Variants in ARAP2 observed in about 807,000 individuals in gnomAD.
ARAP2 encodes the protein ArfGAP with RhoGAP domain, ankyrin repeat and PH domain 2.
A neutral mutation model predicts 194.5 loss-of-function variants in ARAP2; 148 were observed. That is an observed-to-expected ratio of 0.76 (90% CI 0.67 to 0.87). The LOEUF (loss-of-function observed/expected upper bound fraction) is 0.87. Among genes scored for constraint, ARAP2 ranks in the 40% least tolerant of loss-of-function variants. ARAP2 has a pLI of 0.00. For synonymous variants in ARAP2, 695 were observed against 683.5 expected (o/e 1.02, Z -0.26); for missense variants, 2,128 against 1,989.7 (o/e 1.07, Z -1.32).
chr4:36,155,014 T>A (rs1204060321), intron 15 of ARAP2, among the ~76,000 whole-genome samples: 13 of 152,248 alleles, frequency 8.5e-5, no homozygotes. Flanking sequence ...AAATAGGGGC[T>A]TTCTGCACAA....
In ARAP2 at chr4:36,066,482, T is replaced by C. The variant is rs896738747; in HGVS notation, c.*1425A>G. 6.6e-6 allele frequency: 1 copy of C among 151,982 alleles called. No homozygotes were observed. Among genetic ancestry groups the C allele is most frequent in the Non-Finnish European group, 1.5e-5 (1 of 67,996 alleles). 9.4% of individuals were successfully genotyped at this position (151,982 alleles called of 1,614,324 possible). ...CCGTATTTTACAATGAAGAAATTCA[T>C]AGCATCTACCACCACATCACTGTAC... On this transcript the variant is annotated 3_prime_UTR_variant, in exon 33 of 33. Transcript: ENST00000303965.
chr4:36,230,705 C>T (rs1289177278), intron 1 of ARAP2, among the ~76,000 whole-genome samples: 2 of 152,158 alleles, frequency 1.3e-5, no homozygotes, highest in Non-Finnish European at 2.9e-5. Flanking sequence ...GCATGACACA[C>T]ATACACTGAA....
chr4:36,089,458 C>T (rs958579712), intron 28 of ARAP2, among the ~76,000 whole-genome samples: 2 of 152,050 alleles, frequency 1.3e-5, no homozygotes, highest in Admixed American at 1.3e-4. Context: ...TTGAGTAGAG[C>T]CACTGGATCA....
intron 11 of ARAP2, among the ~76,000 whole-genome samples, 165 bp from the exon 12 acceptor site, chr4:36,161,715 A>G (rs1734006747): frequency 6.6e-6 from 1 of 151,606 alleles, no homozygotes. Context: ...AAGAGCACTA[A>G]CAGTAGTGGT....
intron 27 of ARAP2, among the ~76,000 whole-genome samples, chr4:36,098,899 C>T (rs1479459439): frequency 6.6e-6 from 1 of 151,946 alleles, no homozygotes; most frequent in Non-Finnish European, 1.5e-5. Context: ...TATTTATCAA[C>T]ATTTAAGTTC....
At chr4:36,211,466 A>G (rs927267599) in intron 5 of ARAP2, among the ~76,000 whole-genome samples, 3 of 152,174 alleles carry the variant, frequency 2.0e-5, no homozygotes, top group Admixed American at 1.3e-4. Context: ...TTGCTAATCA[A>G]TGAAACAGAT....
intron 7 of ARAP2, 70 bp from the exon 8 acceptor site, chr4:36,187,641 G>A: frequency 3.0e-6 from 4 of 1,351,534 alleles, no homozygotes; most frequent in Non-Finnish European, 4.0e-6. Context: ...AAAAAGAATG[G>A]CACAGTATTT....
intron 28 of ARAP2, among the ~76,000 whole-genome samples, chr4:36,084,350 T>G (rs926089513): frequency 6.6e-6 from 1 of 152,100 alleles, no homozygotes; most frequent in Admixed American, 6.6e-5. Flanking sequence ...CCATCACCAA[T>G]GTTGACTGGG....
intron 19 of ARAP2, among the ~76,000 whole-genome samples, chr4:36,141,671 CA>C (rs1244683441): frequency 6.6e-6 from 1 of 151,526 alleles, no homozygotes; most frequent in Non-Finnish European, 1.5e-5. Flanking sequence ...TAGATAAGAA[CA>C]GGAAAAATAT....
At chr4:36,090,619 A>G (rs1713339231) in intron 28 of ARAP2, among the ~76,000 whole-genome samples, 1 of 152,186 alleles carries the variant, frequency 6.6e-6, no homozygotes, top group Admixed American at 6.6e-5. Flanking sequence ...AAGAACATGG[A>G]TAGAACTGGA....
At chr4:36,111,407 A>G (rs1719953128) in intron 26 of ARAP2, among the ~76,000 whole-genome samples, 1 of 151,890 alleles carries the variant, frequency 6.6e-6, no homozygotes, top group South Asian at 2.1e-4. Flanking sequence ...TCCTACCATT[A>G]TTCCTCTGGG....
At chr4:36,238,936 A>AAAAAAC (rs1005912104) in intron 1 of ARAP2, among the ~76,000 whole-genome samples, 18 of 53,946 alleles carry the variant, frequency 3.3e-4, no homozygotes, top group Non-Finnish European at 6.3e-4. Context: ...TGGTTATGGT[A>AAAAAAC]AAAAACAAAA....
rs73806460 is a variant in ARAP2 at position 36,109,923 on chromosome 4, C to A, written c.4157-2230G>T. Among the ~76,000 whole-genome samples, 773 of 145,752 alleles carry A rather than the reference C, an allele frequency of 5.3e-3. 8 individuals carry two copies. Among genetic ancestry groups the A allele is most frequent in the African/African-American group, 0.018 (728 of 39,414 alleles). ...TACTATTGATCCCAATAACGGTTGC[C>A]ATTTATGGAATAACAATTATGTATC... On this transcript the variant is annotated intron_variant, in intron 26 of 32. Transcript: ENST00000303965.
At chr4:36,160,230 C>A in intron 13 of ARAP2, 2 of 1,115,714 alleles carry the variant, frequency 1.8e-6, no homozygotes, top group Non-Finnish European at 2.2e-6. Context: ...ATTGTGGCAA[C>A]AAGAGTTAGC....
intron 3 of ARAP2, among the ~76,000 whole-genome samples, chr4:36,051,773 T>C (rs1004435664): frequency 6.6e-6 from 1 of 152,188 alleles, no homozygotes; most frequent in African/African-American, 2.4e-5. Context: ...AACGGTCAAG[T>C]ATGAAACACA....
chr4:36,214,647 G>A (rs1269186234), intron 2 of ARAP2, among the ~76,000 whole-genome samples, 167 bp from the exon 3 acceptor site: 1 of 151,968 alleles, frequency 6.6e-6, no homozygotes, highest in African/African-American at 2.4e-5. Context: ...ACAATATTCA[G>A]AAATTAATTC....
chr4:36,159,328 A>G lies in ARAP2; in HGVS notation c.2617+3T>C. ...CCAGGTTAATGAAGAGACAGTGACG[A>G]ACCTGAGAATTTGTTATGGTAGAGA... On this transcript the variant is annotated splice_donor_region_variant and intron_variant, in intron 14 of 32. Coordinates refer to ENST00000303965, the MANE Select transcript of ARAP2 (RefSeq NM_015230.4). 1 of 1,595,738 alleles carries G rather than the reference A, an allele frequency of 6.3e-7. No homozygotes were observed. The highest frequency in any genetic ancestry group is 8.6e-7 in the Non-Finnish European group (1 of 1,168,884).
At chr4:36,102,819 G>A (rs991454698) in intron 27 of ARAP2, among the ~76,000 whole-genome samples, 9 of 151,830 alleles carry the variant, frequency 5.9e-5, no homozygotes, top group African/African-American at 1.9e-4. Context: ...GCATGATACA[G>A]AGAGTTAATA....
intron 19 of ARAP2, among the ~76,000 whole-genome samples, chr4:36,140,069 T>C (rs989477749): frequency 6.6e-6 from 1 of 151,104 alleles, no homozygotes; most frequent in Non-Finnish European, 1.5e-5. Context: ...CATTTTTTCC[T>C]ACTAAAGTCC....
Sources: allele counts gnomAD v4.1 joint callset (sites outside exome capture counted in the v4.1 genomes callset), GRCh38; gene constraint gnomAD v4.1.1; transcripts MANE v1.5; gene names NCBI Gene and HGNC (gene_info 2026-07-23, HGNC 2026-07-21).